SPATA17: variants seen among roughly 807,000 people sequenced by gnomAD.
The protein encoded by SPATA17 is spermatogenesis-associated protein 17.
A neutral mutation model predicts 62.2 loss-of-function variants in SPATA17; 53 were observed. That is an observed-to-expected ratio of 0.85 (90% confidence interval 0.68 to 1.07). The LOEUF (loss-of-function observed/expected upper bound fraction) is 1.07, where lower values mean the gene tolerates loss of function less well. SPATA17 is among the 50% of genes least tolerant of loss of function. The probability of loss-of-function intolerance (pLI) is 0.00; values close to 1 mark genes in which losing one functional copy is unlikely to be tolerated. For synonymous variants in SPATA17, 146 were observed against 146.8 expected, an observed-to-expected ratio of 0.99 and a Z score of 0.04; for missense variants, 466 against 425.5, an observed-to-expected ratio of 1.10 and a Z score of -0.84.
chr1:217,644,423 A>G (rs1670135124), intron 1 of SPATA17, among the ~76,000 whole-genome samples: 1 of 152,152 alleles, frequency 6.6e-6, no homozygotes, highest in Admixed American at 6.5e-5. Flanking sequence ...TTACACATCA[A>G]CATATCTGAC....
chr1:217,863,879 C>A (rs182580041), intron 10 of SPATA17, among the ~76,000 whole-genome samples: 10 of 152,226 alleles, frequency 6.6e-5, no homozygotes, highest in African/African-American at 9.6e-5. Context: ...TAGTTAGAAT[C>A]CCCCAGCTAT....
intron 5 of SPATA17, among the ~76,000 whole-genome samples, chr1:217,724,608 A>G (rs1672218714): frequency 6.6e-6 from 1 of 152,156 alleles, no homozygotes; most frequent in South Asian, 2.1e-4. Context: ...ATAAATAAAA[A>G]TAAAAATAAA....
intron 1 of SPATA17, among the ~76,000 whole-genome samples, chr1:217,647,045 T>C (rs935459410): frequency 3.9e-5 from 6 of 152,220 alleles, no homozygotes; most frequent in Non-Finnish European, 8.8e-5. Flanking sequence ...TTCTGTCAAA[T>C]GGGGATAATA....
At chr1:217,794,202 A>G (rs184899052) in intron 8 of SPATA17, among the ~76,000 whole-genome samples, 38 of 152,176 alleles carry the variant, frequency 2.5e-4, no homozygotes, top group Admixed American at 2.0e-3. Context: ...ATTCATTAGT[A>G]GATTTTACTT....
chr1:217,708,729 A>AC (rs998728037), intron 5 of SPATA17, among the ~76,000 whole-genome samples: 3 of 150,660 alleles, frequency 2.0e-5, no homozygotes, highest in African/African-American at 4.9e-5. Flanking sequence ...TGCAACAACA[A>AC]AAAAAAAAAC....
At chr1:217,805,862 C>T (rs1413725426) in intron 9 of SPATA17, among the ~76,000 whole-genome samples, 1 of 152,152 alleles carries the variant, frequency 6.6e-6, no homozygotes, top group Non-Finnish European at 1.5e-5. Flanking sequence ...GTCCATACAA[C>T]CAAAGTAATC....
rs527259231 is a variant in SPATA17 at position 217,679,048 on chromosome 1, T to C, written c.292-4210T>C. On this transcript the variant is annotated intron_variant, in intron 4 of 10. Transcript: ENST00000366933. ...TACTAGTACTGGAATATCAACAGAATAGGCAAAATTTAAGACGTCATTTGT... is the reference window on the plus strand; with the variant it reads ...TACTAGTACTGGAATATCAACAGAACAGGCAAAATTTAAGACGTCATTTGT... 6.2e-4 allele frequency among the ~76,000 whole-genome samples: 94 copies of C among 152,236 alleles called. 1 individual carries two copies. Among genetic ancestry groups the C allele is most frequent in the African/African-American group, 2.0e-3 (82 of 41,552 alleles).
intron 5 of SPATA17, among the ~76,000 whole-genome samples, chr1:217,697,627 A>G (rs1671490064): frequency 6.6e-6 from 1 of 152,118 alleles, no homozygotes; most frequent in South Asian, 2.1e-4. Context: ...TTTTTATAAT[A>G]TAGAGCTCAA....
intron 5 of SPATA17, among the ~76,000 whole-genome samples, chr1:217,700,847 C>G (rs1175044857): frequency 6.9e-6 from 1 of 145,452 alleles, no homozygotes; most frequent in Non-Finnish European, 1.5e-5. Flanking sequence ...CTCAAGTGAT[C>G]CACCCGCCTC....
At chr1:217,658,849 T>C (rs944545005) in intron 3 of SPATA17, among the ~76,000 whole-genome samples, 2 of 152,138 alleles carry the variant, frequency 1.3e-5, no homozygotes, top group African/African-American at 2.4e-5. Context: ...CCACATAAAA[T>C]ATAGGCAGTG....
chr1:217,652,523 C>A (rs1318003262), intron 3 of SPATA17, among the ~76,000 whole-genome samples: 1 of 152,060 alleles, frequency 6.6e-6, no homozygotes, highest in Non-Finnish European at 1.5e-5. Flanking sequence ...TGTGAGCCAC[C>A]ACGCCCGGCC....
At chr1:217,660,498 A>T (rs1471694185) in intron 3 of SPATA17, among the ~76,000 whole-genome samples, 1 of 152,224 alleles carries the variant, frequency 6.6e-6, no homozygotes, top group Non-Finnish European at 1.5e-5. Context: ...AGTATGTGCC[A>T]GGGTGGATTG....
chr1:217,721,147 C>G (rs1285516220), intron 5 of SPATA17, among the ~76,000 whole-genome samples: 1 of 152,190 alleles, frequency 6.6e-6, no homozygotes, highest in Non-Finnish European at 1.5e-5. Flanking sequence ...AATCACATTT[C>G]CTCCTGCTGG....
intron 5 of SPATA17, among the ~76,000 whole-genome samples, chr1:217,706,891 G>T (rs1205115489): frequency 6.7e-6 from 1 of 149,580 alleles, no homozygotes; most frequent in African/African-American, 2.5e-5. Context: ...TTTTGAGATG[G>T]AGTCTTGCTC....
chr1:217,635,533 G>A (rs1669917092), intron 1 of SPATA17, among the ~76,000 whole-genome samples: 2 of 152,014 alleles, frequency 1.3e-5, no homozygotes, highest in Non-Finnish European at 2.9e-5. Context: ...GCAAAACCCT[G>A]TCGCTACTAA....
chr1:217,795,297 G>A (rs925800665), intron 8 of SPATA17, among the ~76,000 whole-genome samples: 1 of 150,406 alleles, frequency 6.6e-6, no homozygotes, highest in South Asian at 2.1e-4. Flanking sequence ...ATTGCATGCT[G>A]ACTATATGCC....
chr1:217,804,486 A>T lies in SPATA17; in HGVS notation c.1005+2636A>T, dbSNP rs917497097. Among the ~76,000 whole-genome samples the T allele has an allele frequency of 1.1e-4, 17 of 152,326 alleles. 1 individual carries two copies. Among genetic ancestry groups the T allele is most frequent in the African/African-American group, 3.8e-4 (16 of 41,586 alleles). ...CTTCTTGACATTGGTCTAAGCAATT[A>T]TTTTTTGGATATGACCCCAAAAGTA... On this transcript the variant is annotated intron_variant, in intron 9 of 10. Coordinates refer to ENST00000366933, the MANE Select transcript of SPATA17 (RefSeq NM_138796.4).
At chr1:217,759,450 C>A (rs1414988318) in intron 6 of SPATA17, among the ~76,000 whole-genome samples, 2 of 151,650 alleles carry the variant, frequency 1.3e-5, no homozygotes, top group African/African-American at 4.8e-5. Flanking sequence ...AAGAGTAAGA[C>A]TATGCCTTAA....
intron 10 of SPATA17, among the ~76,000 whole-genome samples, chr1:217,865,480 A>G (rs1377027850): frequency 2.6e-5 from 4 of 152,166 alleles, no homozygotes; most frequent in Non-Finnish European, 5.9e-5. Flanking sequence ...ACACACACAT[A>G]TTTTAAAATC....
Sources: gnomAD v4.1 joint callset for allele counts (sites outside exome capture counted in the v4.1 genomes callset) on GRCh38, gnomAD v4.1.1 for gene constraint, MANE v1.5 for transcripts, NCBI Gene and HGNC (gene_info 2026-07-23, HGNC 2026-07-21) for gene names.